Variants in CBFA2T2 observed in about 807,000 individuals in gnomAD.
The protein encoded by CBFA2T2 is CBFA2/RUNX1 partner transcriptional co-repressor 2.
Under a neutral mutation model 62.2 loss-of-function variants are expected in CBFA2T2, and 11 were observed. The ratio of observed to expected loss-of-function variants is 0.18; its 90% confidence interval spans 0.11 to 0.29. The LOEUF is 0.29. Ranked by LOEUF, CBFA2T2 falls within the 10% of genes least tolerant of loss-of-function variation. The pLI is 1.00. For missense variants in CBFA2T2, 592 were observed against 774.1 expected (o/e 0.76, Z 2.79); for synonymous variants, 295 against 287.5 (o/e 1.03, Z -0.27).
At chr20:33,599,709 T>C (rs985291692) in intron 1 of CBFA2T2, among the ~76,000 whole-genome samples, 1 of 151,890 alleles carries the variant, frequency 6.6e-6, no homozygotes, top group Non-Finnish European at 1.5e-5. Flanking sequence ...CTGCCAGCCA[T>C]AGCCTCCTGA....
chr20:33,542,089 T>C (rs555195726), intron 1 of CBFA2T2, among the ~76,000 whole-genome samples: 2 of 152,206 alleles, frequency 1.3e-5, no homozygotes, highest in African/African-American at 4.8e-5. Context: ...GAAGAACTTA[T>C]TAAAGTTTGG....
intron 1 of CBFA2T2, among the ~76,000 whole-genome samples, chr20:33,503,254 C>CTTTCTT (rs1555828119): frequency 1.8e-5 from 2 of 108,644 alleles, no homozygotes; most frequent in Admixed American, 1.2e-4. Context: ...TTCTTTCTTT[C>CTTTCTT]TTTTTTTTTT....
intron 1 of CBFA2T2, among the ~76,000 whole-genome samples, chr20:33,529,975 C>T (rs2012011349): frequency 1.3e-5 from 2 of 151,758 alleles, no homozygotes; most frequent in African/African-American, 2.4e-5. Context: ...TTAGTGGCCA[C>T]AGTGTTGCAC....
rs117284577 is a variant in CBFA2T2, at chr20:33,555,116, A to T, written c.35-51840A>T. On this transcript the variant is annotated intron_variant, in intron 1 of 10. Transcript: ENST00000342704. ...ATTACTTGATTGGCTGTAGCTAGGC[A>T]CTTGCCTTATTTGGATATGATCCAG... Among the ~76,000 whole-genome samples the T allele has an allele frequency of 5.2e-3, 792 of 152,314 alleles. 2 individuals are homozygous for T. Among genetic ancestry groups the T allele is most frequent in the Middle Eastern group, 0.024 (7 of 294 alleles).
At chr20:33,515,576 G>A (rs1329261827) in intron 1 of CBFA2T2, among the ~76,000 whole-genome samples, 1 of 151,694 alleles carries the variant, frequency 6.6e-6, no homozygotes, top group African/African-American at 2.4e-5. Context: ...AGGCTGAGGT[G>A]GGTGGGTCAG....
At chr20:33,582,883 A>G (rs1460112216) in intron 1 of CBFA2T2, among the ~76,000 whole-genome samples, 5 of 152,144 alleles carry the variant, frequency 3.3e-5, no homozygotes, top group Non-Finnish European at 5.9e-5. Context: ...TGGATGTTGC[A>G]GTGAACGAAG....
rs142077553 is a variant in CBFA2T2 at position 33,493,337 on chromosome 20, A to T, written c.34+3036A>T. On this transcript the variant is annotated intron_variant, in intron 1 of 10. Coordinates refer to ENST00000342704, the MANE Select transcript of CBFA2T2 (RefSeq NM_001032999.3). ...GTGATCTGCCCGCCTCGGCTTCCCA[A>T]AATGCTGGGATTACAGGCATGAGTA... Among the ~76,000 whole-genome samples, 122 of 152,190 alleles carry T rather than the reference A, an allele frequency of 8.0e-4. 1 individual carries two copies. Among genetic ancestry groups the T allele is most frequent in the African/African-American group, 2.8e-3 (117 of 41,526 alleles).
intron 1 of CBFA2T2, among the ~76,000 whole-genome samples, chr20:33,533,750 G>T (rs2146871580): frequency 1.3e-5 from 2 of 152,248 alleles, no homozygotes; most frequent in Non-Finnish European, 2.9e-5. Flanking sequence ...GAGGTGGGCG[G>T]ATCACCTGAA....
At chr20:33,506,931 TG>T (rs1261838022) in intron 1 of CBFA2T2, among the ~76,000 whole-genome samples, 53 of 152,308 alleles carry the variant, frequency 3.5e-4, no homozygotes, top group African/African-American at 1.1e-3. Context: ...CCAAAAAAAC[TG>T]TAACTGGTAA....
intron 1 of CBFA2T2, among the ~76,000 whole-genome samples, chr20:33,541,456 T>C (rs1342774323): frequency 6.6e-6 from 1 of 152,248 alleles, no homozygotes; most frequent in East Asian, 1.9e-4. Context: ...GTCGTATAAC[T>C]GAGTAAGGAC....
At chr20:33,600,514 C>G (rs2015090540) in intron 1 of CBFA2T2, 1 of 406,210 alleles carries the variant, frequency 2.5e-6, no homozygotes, top group Admixed American at 2.8e-5. Flanking sequence ...ATGACAATTA[C>G]ACATTCAGAA....
At chr20:33,517,975 GTC>G (rs948667767) in intron 1 of CBFA2T2, among the ~76,000 whole-genome samples, 7 of 151,680 alleles carry the variant, frequency 4.6e-5, no homozygotes, top group Admixed American at 3.3e-4. Flanking sequence ...TTGAGACAGA[GTC>G]TCTCTCTGTC....
intron 1 of CBFA2T2, among the ~76,000 whole-genome samples, chr20:33,541,829 A>G (rs1299873337): frequency 1.3e-5 from 2 of 151,928 alleles, no homozygotes; most frequent in Non-Finnish European, 2.9e-5. Flanking sequence ...TTTATCCCCT[A>G]CTATATTACT....
chr20:33,598,053 A>T (rs1380125327), intron 1 of CBFA2T2, among the ~76,000 whole-genome samples: 1 of 152,180 alleles, frequency 6.6e-6, no homozygotes, highest in Non-Finnish European at 1.5e-5. Flanking sequence ...GGAGTGTGCG[A>T]ATACGTGTGG....
intron 1 of CBFA2T2, among the ~76,000 whole-genome samples, chr20:33,503,215 C>T (rs1160882746): frequency 6.7e-6 from 1 of 149,288 alleles, no homozygotes; most frequent in Non-Finnish European, 1.5e-5. Flanking sequence ...TACATATACA[C>T]ATATCAAAAA....
chr20:33,568,130 C>G (rs4911129), intron 1 of CBFA2T2, among the ~76,000 whole-genome samples: 12,326 of 152,132 alleles, frequency 0.081, 1,307 homozygotes, highest in African/African-American at 0.22. Context: ...ACCTTCACCT[C>G]TAAGCCTCAG....
chr20:33,555,057 T>A (rs1290244511), intron 1 of CBFA2T2, among the ~76,000 whole-genome samples: 1 of 152,196 alleles, frequency 6.6e-6, no homozygotes, highest in East Asian at 1.9e-4. Flanking sequence ...AGAAGCAGGC[T>A]TTTATAGGCT....
intron 1 of CBFA2T2, among the ~76,000 whole-genome samples, chr20:33,549,127 A>G (rs2012661543): frequency 6.6e-6 from 1 of 152,232 alleles, no homozygotes; most frequent in Non-Finnish European, 1.5e-5. Context: ...TGATATTAAT[A>G]TTAGTTGACA....
chr20:33,545,020 C>CAGAAT (rs11474456), intron 1 of CBFA2T2, among the ~76,000 whole-genome samples: 22,282 of 141,276 alleles, frequency 0.16, 2,438 homozygotes, highest in African/African-American at 0.24. Context: ...TAGAACAGAA[C>CAGAAT]AGAATGCAAG....
Sources: allele counts gnomAD v4.1 joint callset (sites outside exome capture counted in the v4.1 genomes callset), GRCh38; gene constraint gnomAD v4.1.1; transcripts MANE v1.5; gene names NCBI Gene and HGNC (gene_info 2026-07-23, HGNC 2026-07-21).